Variants in GRIN2B observed in about 807,000 individuals in gnomAD.
GRIN2B encodes the protein glutamate ionotropic receptor NMDA type subunit 2B.
A neutral mutation model predicts 114.5 loss-of-function variants in GRIN2B; 5 were observed. The observed-to-expected ratio is 0.04, with a 90% CI of 0.02 to 0.09. The LOEUF is 0.09. GRIN2B is among the 10% of genes least tolerant of loss of function. The probability of loss-of-function intolerance (pLI) is 1.00; values close to 1 mark genes in which losing one functional copy is unlikely to be tolerated. For synonymous variants in GRIN2B, 787 were observed against 745.1 expected, an observed-to-expected ratio of 1.06 and a Z score of -0.92; for missense variants, 1,108 against 1,943.5, an observed-to-expected ratio of 0.57 and a Z score of 8.08.
At chr12:13,685,248 T>C (rs1950166880) in intron 4 of GRIN2B, among the ~76,000 whole-genome samples, 1 of 152,210 alleles carries the variant, frequency 6.6e-6, no homozygotes, top group Non-Finnish European at 1.5e-5. Flanking sequence ...AATATCTCCA[T>C]ACACACAGTT....
chr12:13,930,856 A>G (rs1867016114), intron 2 of GRIN2B, among the ~76,000 whole-genome samples: 1 of 152,198 alleles, frequency 6.6e-6, no homozygotes, highest in Non-Finnish European at 1.5e-5. Flanking sequence ...ACCCATCTAT[A>G]TAATAACAGG....
intron 3 of GRIN2B, among the ~76,000 whole-genome samples, chr12:13,833,718 C>T (rs1027137085): frequency 6.6e-6 from 1 of 152,180 alleles, no homozygotes; most frequent in Non-Finnish European, 1.5e-5. Context: ...ACAGCCCCCA[C>T]TTCACTCCCA....
At chr12:13,720,685 C>G (rs76502232) in intron 4 of GRIN2B, among the ~76,000 whole-genome samples, 34 of 152,064 alleles carry the variant, frequency 2.2e-4, no homozygotes, top group Middle Eastern at 3.4e-3. Flanking sequence ...TAAACAAACA[C>G]CTTATTTATA....
rs976123574 is a variant in GRIN2B, at chr12:13,927,367, G to A, written c.-19+52561C>T. ...GAAGCCTTAGTAACAGGCTAGAAATGTTTTTTTCTGTAAAGTGACAGATAG... is the reference window on the plus strand; with the variant it reads ...GAAGCCTTAGTAACAGGCTAGAAATATTTTTTTCTGTAAAGTGACAGATAG... On this transcript the variant is annotated intron_variant, in intron 2 of 13. Transcript: ENST00000609686. 6.6e-5 allele frequency among the ~76,000 whole-genome samples: 10 copies of A among 152,036 alleles called. No homozygotes were observed. The South Asian group carries it at 8.3e-4, about 13-fold the overall frequency.
intron 2 of GRIN2B, among the ~76,000 whole-genome samples, chr12:13,906,807 T>C (rs1393557072): frequency 2.0e-5 from 3 of 152,210 alleles, no homozygotes; most frequent in African/African-American, 7.2e-5. Flanking sequence ...ATTTGTATCA[T>C]ATTAATTTGA....
chr12:13,900,572 C>A (rs1041538433), intron 2 of GRIN2B, among the ~76,000 whole-genome samples: 2 of 152,086 alleles, frequency 1.3e-5, no homozygotes, highest in African/African-American at 4.8e-5. Context: ...AATCCATAAG[C>A]GTCCAAAAAT....
At chr12:13,744,006 C>G (rs1018148151) in intron 4 of GRIN2B, among the ~76,000 whole-genome samples, 1 of 152,120 alleles carries the variant, frequency 6.6e-6, no homozygotes, top group Non-Finnish European at 1.5e-5. Context: ...CAGGGGAGAA[C>G]TTAACTTTAG....
chr12:13,639,098 A>G (rs900418750), intron 5 of GRIN2B, among the ~76,000 whole-genome samples: 2 of 152,178 alleles, frequency 1.3e-5, no homozygotes, highest in Admixed American at 6.6e-5. Context: ...GAGTTGCCCA[A>G]GGTCATTGGG....
intron 2 of GRIN2B, among the ~76,000 whole-genome samples, chr12:13,882,887 C>T (rs372870095): frequency 6.6e-6 from 1 of 152,226 alleles, no homozygotes; most frequent in Non-Finnish European, 1.5e-5. Flanking sequence ...ATTTCCATCA[C>T]CCCAAATATT....
chr12:13,950,059 A>T (rs546733723), intron 2 of GRIN2B, among the ~76,000 whole-genome samples: 26 of 152,326 alleles, frequency 1.7e-4, no homozygotes, highest in African/African-American at 5.8e-4. Flanking sequence ...AACCAGAGGA[A>T]AAAGAAAAGT....
At chr12:13,963,272 C>T (rs1337552652) in intron 2 of GRIN2B, among the ~76,000 whole-genome samples, 3 of 152,178 alleles carry the variant, frequency 2.0e-5, no homozygotes, top group Admixed American at 6.5e-5. Context: ...CTGTAACACT[C>T]CCAATTTCCT....
chr12:13,970,645 C>CT (rs1026340292), intron 2 of GRIN2B, among the ~76,000 whole-genome samples: 1 of 151,372 alleles, frequency 6.6e-6, no homozygotes, highest in Non-Finnish European at 1.5e-5. Flanking sequence ...AATTTGATCA[C>CT]TTTTAAACAA....
chr12:13,922,597 G>C (rs578174725), intron 2 of GRIN2B, among the ~76,000 whole-genome samples: 1 of 152,200 alleles, frequency 6.6e-6, no homozygotes, highest in South Asian at 2.1e-4. Context: ...CACAGGCAGA[G>C]GAATGCCTGG....
chr12:13,758,998 A>AGTTTTTTTTTTTTTTTTTTTTTTTTT (rs771891565), intron 3 of GRIN2B, among the ~76,000 whole-genome samples: 3 of 85,600 alleles, frequency 3.5e-5, no homozygotes, highest in Non-Finnish European at 6.5e-5. Flanking sequence ...ATCTAGTTCA[A>AGTTTTTTTTTTTTTTTTTTTTTTTTT]TTTTTTTTTT....
intron 2 of GRIN2B, among the ~76,000 whole-genome samples, chr12:13,957,683 C>A (rs1278163704): frequency 6.6e-6 from 1 of 152,144 alleles, no homozygotes; most frequent in South Asian, 2.1e-4. Context: ...TTCTCCTCCA[C>A]AAATGCCTCC....
At chr12:13,577,791 C>G (rs1374078834) in intron 10 of GRIN2B, among the ~76,000 whole-genome samples, 2 of 152,094 alleles carry the variant, frequency 1.3e-5, no homozygotes, top group Non-Finnish European at 2.9e-5. Flanking sequence ...GTATTAGGAA[C>G]AGAGATACAA....
Position 13,721,407 on chromosome 12 carries a change from C to A in GRIN2B, c.1010+31910G>T, listed in dbSNP as rs760156974. ...GGGGAGGGCAACTGGGAGACTCTTGCAGGAATCCTGGAAAAGGATTAGGGT... is the reference window on the plus strand; with the variant it reads ...GGGGAGGGCAACTGGGAGACTCTTGAAGGAATCCTGGAAAAGGATTAGGGT... On this transcript the variant is annotated intron_variant, in intron 4 of 13. Coordinates refer to ENST00000609686, the MANE Select transcript of GRIN2B (RefSeq NM_000834.5). Among the ~76,000 whole-genome samples, 14 of 151,892 alleles carry A rather than the reference C, an allele frequency of 9.2e-5. No individual in the cohort carries two copies. In the South Asian group the frequency reaches 2.9e-3, roughly 32 times the overall value.
At chr12:13,642,918 T>A (rs550891833) in intron 5 of GRIN2B, among the ~76,000 whole-genome samples, 185 of 152,292 alleles carry the variant, frequency 1.2e-3, no homozygotes, top group Non-Finnish European at 2.2e-3. Context: ...AATCTTTCCA[T>A]TATGCTATGA....
intron 10 of GRIN2B, among the ~76,000 whole-genome samples, chr12:13,607,971 C>G (rs1425994880): frequency 6.6e-6 from 1 of 152,148 alleles, no homozygotes; most frequent in African/African-American, 2.4e-5. Context: ...ACATCCTCAT[C>G]CAGCAGTGAT....
Sources: allele counts gnomAD v4.1 joint callset (sites outside exome capture counted in the v4.1 genomes callset), GRCh38; gene constraint gnomAD v4.1.1; transcripts MANE v1.5; gene names NCBI Gene and HGNC (gene_info 2026-07-23, HGNC 2026-07-21).